VRK2: variants seen among roughly 807,000 people sequenced by gnomAD.
VRK2 encodes serine/threonine-protein kinase VRK2.
A neutral mutation model predicts 57.6 loss-of-function variants in VRK2; 60 were observed. The ratio of observed to expected loss-of-function variants is 1.04; its 90% CI spans 0.85 to 1.29. VRK2 has a LOEUF of 1.29. Among genes scored for constraint, VRK2 ranks in the 50% most tolerant of loss-of-function variants. The pLI is 0.00. For synonymous variants in VRK2, 231 were observed against 199.2 expected, an observed-to-expected ratio of 1.16 and a Z score of -1.35; for missense variants, 705 against 588.1, an observed-to-expected ratio of 1.20 and a Z score of -2.06.
At chr2:58,023,470 T>G (rs1477468821) in intron 1 of VRK2, among the ~76,000 whole-genome samples, 1 of 152,226 alleles carries the variant, frequency 6.6e-6, no homozygotes, top group Admixed American at 6.5e-5. Context: ...AATGTTGCTA[T>G]GAACATCCGT....
At chr2:58,084,982 A>G (rs758686766) in intron 4 of VRK2, 32 bp downstream of exon 4, 5 of 1,539,918 alleles carry the variant, frequency 3.2e-6, no homozygotes, top group African/African-American at 1.4e-5. Flanking sequence ...AGCTACTTCC[A>G]TATATGTGCT....
At chr2:58,050,190 T>C (rs926094486) in intron 2 of VRK2, among the ~76,000 whole-genome samples, 17 of 152,162 alleles carry the variant, frequency 1.1e-4, no homozygotes. Context: ...TTTAATAATA[T>C]TTAATCTAGT....
chr2:58,135,055 C>G, intron 9 of VRK2, 86 bp from the exon 10 acceptor site: 1 of 1,441,918 alleles, frequency 6.9e-7, no homozygotes, highest in South Asian at 1.2e-5. Context: ...TGGTGACCTA[C>G]CAACACATAG....
chr2:57,943,956 T>C (rs1671176111), intron 1 of VRK2, among the ~76,000 whole-genome samples: 1 of 152,156 alleles, frequency 6.6e-6, no homozygotes, highest in Non-Finnish European at 1.5e-5. Context: ...AATTCGTAAA[T>C]GAAATGGGTG....
At chr2:57,952,151 T>G (rs1298211103) in intron 1 of VRK2, among the ~76,000 whole-genome samples, 1 of 151,976 alleles carries the variant, frequency 6.6e-6, no homozygotes, top group Non-Finnish European at 1.5e-5. Flanking sequence ...TAGAGAGACA[T>G]AATTCTATTG....
At chr2:58,001,351 A>G (rs1673083275) in intron 1 of VRK2, among the ~76,000 whole-genome samples, 1 of 152,174 alleles carries the variant, frequency 6.6e-6, no homozygotes, top group Non-Finnish European at 1.5e-5. Flanking sequence ...TTTAACTATT[A>G]TTATTTTGTT....
At chr2:57,915,005 A>C (rs1342698080) in intron 1 of VRK2, among the ~76,000 whole-genome samples, 1 of 152,174 alleles carries the variant, frequency 6.6e-6, no homozygotes, top group Non-Finnish European at 1.5e-5. Context: ...CCTCACACAA[A>C]AAATACAAGT....
chr2:58,021,650 C>T (rs1673760278), intron 1 of VRK2, among the ~76,000 whole-genome samples: 1 of 152,070 alleles, frequency 6.6e-6, no homozygotes, highest in Non-Finnish European at 1.5e-5. Context: ...TGTAATAGAA[C>T]TTTCCCTCTT....
rs1280252519 is a variant in VRK2, at chr2:58,125,714, GATATAA to G, written c.676+2487_676+2492del. Among the ~76,000 whole-genome samples, 4 of 152,030 alleles carry G rather than the reference GATATAA, an allele frequency of 2.6e-5. No individual in the cohort carries two copies. In the East Asian group the frequency reaches 7.7e-4, roughly 29 times the overall value. ...ATTGATATATATATATGTAGATACA[GATATAA>G]ATATAGATATACACATTACATATAT... On this transcript the variant is annotated intron_variant, in intron 8 of 12. Transcript: ENST00000340157.
chr2:58,013,971 T>C (rs1030412453), intron 1 of VRK2, among the ~76,000 whole-genome samples: 4 of 152,170 alleles, frequency 2.6e-5, no homozygotes, highest in African/African-American at 9.7e-5. Flanking sequence ...TACTCAAATT[T>C]GCTTATGCTA....
At chr2:57,938,648 T>C (rs1572883937) in intron 1 of VRK2, among the ~76,000 whole-genome samples, 1 of 152,094 alleles carries the variant, frequency 6.6e-6, no homozygotes, top group African/African-American at 2.4e-5. Context: ...TTCTTTTAGG[T>C]TACTCCCATC....
At chr2:58,129,657 T>A (rs569732342) in intron 8 of VRK2, among the ~76,000 whole-genome samples, 2 of 152,322 alleles carry the variant, frequency 1.3e-5, no homozygotes, top group Admixed American at 1.3e-4. Context: ...TTAAAATTAC[T>A]CCTCTGTGTA....
chr2:58,051,301 A>G (rs1675703311), intron 2 of VRK2, among the ~76,000 whole-genome samples: 4 of 152,208 alleles, frequency 2.6e-5, no homozygotes. Context: ...AGGACTTTAA[A>G]GAAATATTTA....
chr2:57,978,093 T>C (rs550050642), intron 1 of VRK2, among the ~76,000 whole-genome samples: 3 of 151,386 alleles, frequency 2.0e-5, no homozygotes, highest in Non-Finnish European at 4.4e-5. Flanking sequence ...AATTAGCTTT[T>C]TTTTCTACTT....
intron 2 of VRK2, among the ~76,000 whole-genome samples, chr2:58,031,758 C>T (rs1674116970): frequency 6.6e-6 from 1 of 152,012 alleles, no homozygotes; most frequent in Admixed American, 6.6e-5. Context: ...GCTGCTTTTT[C>T]ATGTGCTATC....
At chr2:58,057,685 A>C (rs1250555626) in intron 2 of VRK2, among the ~76,000 whole-genome samples, 1 of 152,204 alleles carries the variant, frequency 6.6e-6, no homozygotes, top group Admixed American at 6.5e-5. Flanking sequence ...TTAACAGAAA[A>C]TAAATTATTG....
intron 1 of VRK2, among the ~76,000 whole-genome samples, chr2:58,022,370 G>A (rs549143516): frequency 7.8e-4 from 119 of 152,320 alleles, no homozygotes; most frequent in African/African-American, 2.7e-3. Context: ...TGGATACATT[G>A]CCTAGAGTTC....
chr2:58,051,279 C>T (rs1329179877), intron 2 of VRK2, among the ~76,000 whole-genome samples: 1 of 152,146 alleles, frequency 6.6e-6, no homozygotes, highest in Non-Finnish European at 1.5e-5. Context: ...AGCAAGTACA[C>T]ACCACTGAGG....
chr2:58,009,083 G>T (rs1673341633), intron 1 of VRK2, among the ~76,000 whole-genome samples: 1 of 152,026 alleles, frequency 6.6e-6, no homozygotes, highest in Non-Finnish European at 1.5e-5. Context: ...CCTCTTAAAG[G>T]CCTCGCCTTC....
Sources: allele counts gnomAD v4.1 joint callset (sites outside exome capture counted in the v4.1 genomes callset), GRCh38; gene constraint gnomAD v4.1.1; transcripts MANE v1.5; gene names NCBI Gene and HGNC (gene_info 2026-07-23, HGNC 2026-07-21).